The following ACOXL variants were observed in gnomAD, a reference collection of about 807,000 sequenced individuals.
ACOXL encodes the protein acyl-CoA oxidase like.
A neutral mutation model predicts 71.9 loss-of-function variants in ACOXL; 70 were observed. The observed-to-expected ratio is 0.97, with a 90% CI of 0.80 to 1.19. The LOEUF (loss-of-function observed/expected upper bound fraction) is 1.19. ACOXL is among the 50% of genes most tolerant of loss of function. ACOXL has a pLI of 0.00. For synonymous variants in ACOXL, 253 were observed against 281.6 expected (o/e 0.90, Z 1.02); for missense variants, 703 against 736.3 (o/e 0.95, Z 0.52).
chr2:110,740,513 A>G (rs762721697), intron 1 of ACOXL, among the ~76,000 whole-genome samples: 19 of 152,196 alleles, frequency 1.2e-4, no homozygotes, highest in Non-Finnish European at 1.2e-4. Flanking sequence ...CCCCATTAAC[A>G]TACATAAATA....
intron 12 of ACOXL, among the ~76,000 whole-genome samples, chr2:110,943,791 C>T (rs1329408548): frequency 6.6e-6 from 1 of 152,094 alleles, no homozygotes; most frequent in Non-Finnish European, 1.5e-5. Context: ...ATTTAGGGCC[C>T]CAGACCCAGG....
chr2:110,801,912 A>T lies in ACOXL; in HGVS notation c.620+188A>T, dbSNP rs1182855755. The stretch of plus-strand genomic sequence containing the variant: ...TAGAAAAAAGAAAGTAAAATTATTC[A>T]GCATGCTGTTGTCCAGGCATAATGA... On this transcript the variant is annotated intron_variant, in intron 8 of 17. Transcript: ENST00000439055. Among the ~76,000 whole-genome samples the T allele has an allele frequency of 2.6e-5, 4 of 152,214 alleles. No individual in the cohort carries two copies. The East Asian group carries it at 5.8e-4, about 22-fold the overall frequency.
rs147009996 is a variant in ACOXL at position 110,790,192 on chromosome 2, C to T, written c.160-3458C>T. 1.1e-3 allele frequency among the ~76,000 whole-genome samples: 161 copies of T among 152,328 alleles called. 1 individual carries two copies. Among genetic ancestry groups the T allele is most frequent in the Middle Eastern group, 3.4e-3 (1 of 294 alleles). ...GGGACTGTAACCTCCTGGGACGTGGCTGGGGGCCCAGCCCCACAGTCTTCC... is the reference window on the plus strand; with the variant it reads ...GGGACTGTAACCTCCTGGGACGTGGTTGGGGGCCCAGCCCCACAGTCTTCC... On this transcript the variant is annotated intron_variant, in intron 3 of 17. Transcript: ENST00000439055.
chr2:111,039,389 C>T (rs1051275659), intron 15 of ACOXL, among the ~76,000 whole-genome samples: 1 of 148,590 alleles, frequency 6.7e-6, no homozygotes, highest in Non-Finnish European at 1.5e-5. Flanking sequence ...GGCTTTTACT[C>T]GAAACATGAG....
At chr2:110,872,569 G>A (rs1417522271) in intron 10 of ACOXL, among the ~76,000 whole-genome samples, 1 of 152,240 alleles carries the variant, frequency 6.6e-6, no homozygotes, top group Non-Finnish European at 1.5e-5. Context: ...CCTCTCCCAG[G>A]TTCTCATGCC....
chr2:110,849,625 G>A (rs1333789245), intron 10 of ACOXL, among the ~76,000 whole-genome samples: 2 of 152,138 alleles, frequency 1.3e-5, no homozygotes, highest in Non-Finnish European at 2.9e-5. Flanking sequence ...AGGCGTGGTG[G>A]CACGTGCTTG....
At chr2:110,795,885 A>G (rs920921130) in intron 5 of ACOXL, 6 of 151,888 alleles carry the variant, frequency 4.0e-5, no homozygotes, top group African/African-American at 1.5e-4. Flanking sequence ...TGTTGGTCCC[A>G]TTTTCCCCAA....
At chr2:110,991,064 ATCCGG>A (rs2063152027) in intron 13 of ACOXL, among the ~76,000 whole-genome samples, 1 of 152,172 alleles carries the variant, frequency 6.6e-6, no homozygotes, top group East Asian at 1.9e-4. Flanking sequence ...TTTGAAAATA[ATCCGG>A]GCTTGGCGAG....
At chr2:110,735,473 G>C (rs1178931256) in intron 1 of ACOXL, among the ~76,000 whole-genome samples, 1 of 152,188 alleles carries the variant, frequency 6.6e-6, no homozygotes, top group East Asian at 1.9e-4. Flanking sequence ...CAATCCCAGG[G>C]CATAAGAGCT....
rs148535274 is a variant in ACOXL at position 110,928,034 on chromosome 2, G to T, written c.906-5455G>T. 3.6e-3 allele frequency among the ~76,000 whole-genome samples: 543 copies of T among 152,222 alleles called. 3 individuals are homozygous for T. Among genetic ancestry groups the T allele is most frequent in the African/African-American group, 0.012 (513 of 41,522 alleles). ...CACCAGCCAAAGTGAGTATTTTAGG[G>T]TCTGCCTCTCCTCTTTATTCCAGGC... On this transcript the variant is annotated intron_variant, in intron 11 of 17. Transcript: ENST00000439055.
intron 8 of ACOXL, among the ~76,000 whole-genome samples, chr2:110,804,788 TAGAG>T (rs1369318432): frequency 1.0e-4 from 15 of 150,094 alleles, no homozygotes; most frequent in African/African-American, 3.2e-4. Flanking sequence ...ACAGGCACCA[TAGAG>T]AGAGAAAGTA....
At chr2:111,074,683 C>T (rs1365322457) in intron 16 of ACOXL, among the ~76,000 whole-genome samples, 1 of 152,100 alleles carries the variant, frequency 6.6e-6, no homozygotes, top group Non-Finnish European at 1.5e-5. Context: ...CAGCCTTGAC[C>T]TCCTGGGCTC....
intron 1 of ACOXL, among the ~76,000 whole-genome samples, chr2:110,749,714 G>T (rs1409678909): frequency 2.0e-5 from 3 of 152,142 alleles, no homozygotes; most frequent in Non-Finnish European, 2.9e-5. Context: ...GGTGACAGAG[G>T]GAGACTGCAT....
At chr2:110,996,248 A>G (rs1047203296) in intron 14 of ACOXL, among the ~76,000 whole-genome samples, 1 of 152,134 alleles carries the variant, frequency 6.6e-6, no homozygotes, top group Non-Finnish European at 1.5e-5. Context: ...TGTGGCTGCC[A>G]TGGGAGTTGA....
intron 16 of ACOXL, among the ~76,000 whole-genome samples, chr2:111,080,180 C>A (rs1310888557): frequency 7.0e-6 from 1 of 143,356 alleles, no homozygotes; most frequent in Non-Finnish European, 1.5e-5. Flanking sequence ...CTCCTGGATT[C>A]ATTGATTTTT....
chr2:111,108,308 C>G (rs1490136137), intron 17 of ACOXL, among the ~76,000 whole-genome samples: 2 of 148,330 alleles, frequency 1.3e-5, no homozygotes, highest in Non-Finnish European at 3.0e-5. Context: ...TGCTTTGTTT[C>G]CCTTTATTTT....
intron 9 of ACOXL, among the ~76,000 whole-genome samples, chr2:110,827,455 T>C (rs1689299897): frequency 1.3e-5 from 2 of 152,056 alleles, no homozygotes; most frequent in African/African-American, 4.8e-5. Context: ...TGTGGTGCGC[T>C]GGGTAGCAGT....
At chr2:110,980,265 T>G (rs1346506366) in intron 12 of ACOXL, among the ~76,000 whole-genome samples, 1 of 152,232 alleles carries the variant, frequency 6.6e-6, no homozygotes, top group Non-Finnish European at 1.5e-5. Context: ...GTGTTGTGGC[T>G]ACTAGAATAA....
rs377064550 is a variant in ACOXL at position 110,911,701 on chromosome 2, A to G, written c.905+2796A>G. On this transcript the variant is annotated intron_variant, in intron 11 of 17. Coordinates refer to ENST00000439055, the MANE Select transcript of ACOXL (RefSeq NM_001142807.4). Reference sequence around the variant, plus strand: ...AAACGCTCAACAAACTAGGTATATAAGAAAACTTTCTTTACCCGATTAAAG... The same window carrying G: ...AAACGCTCAACAAACTAGGTATATAGGAAAACTTTCTTTACCCGATTAAAG... 2.1e-4 allele frequency among the ~76,000 whole-genome samples: 32 copies of G among 152,222 alleles called. No individual in the cohort carries two copies. In the Middle Eastern group the frequency reaches 0.017, roughly 81 times the overall value.
Sources: allele counts gnomAD v4.1 joint callset (sites outside exome capture counted in the v4.1 genomes callset), GRCh38; gene constraint gnomAD v4.1.1; transcripts MANE v1.5; gene names NCBI Gene and HGNC (gene_info 2026-07-23, HGNC 2026-07-21).